ABHD12: variants seen among roughly 807,000 people sequenced by gnomAD.
ABHD12 encodes the protein lysophosphatidylserine lipase ABHD12.
ABHD12 carries 43 observed loss-of-function variants against 58.3 expected under a neutral mutation model. The ratio of observed to expected loss-of-function variants is 0.74; its 90% CI spans 0.58 to 0.95. The LOEUF is 0.95. Among genes scored for constraint, ABHD12 ranks in the 40% least tolerant of loss-of-function variants. The probability of loss-of-function intolerance (pLI) is 0.00; values close to 1 mark genes in which losing one functional copy is unlikely to be tolerated. For synonymous variants in ABHD12, 219 were observed against 211.2 expected (o/e 1.04, Z -0.32); for missense variants, 539 against 537.2 (o/e 1.00, Z -0.03).
chr20:25,337,247 C>A (rs925797382), intron 2 of ABHD12, among the ~76,000 whole-genome samples: 1 of 152,214 alleles, frequency 6.6e-6, no homozygotes, highest in Non-Finnish European at 1.5e-5. Context: ...GCTGGGGCAA[C>A]AGAGCCACGC....
rs969020111 is a variant in ABHD12 at position 25,300,479 on chromosome 20, C to T, written c.*366G>A. ...GTTCTCTGTGGGTGGTGCCAAAAAGCTCAGCATGGTCCCGAGCCCCAAGAG... is the reference window on the plus strand; with the variant it reads ...GTTCTCTGTGGGTGGTGCCAAAAAGTTCAGCATGGTCCCGAGCCCCAAGAG... On this transcript the variant is annotated 3_prime_UTR_variant, in exon 13 of 13. Coordinates refer to ENST00000339157, the MANE Select transcript of ABHD12 (RefSeq NM_001042472.3). 2.4e-6 allele frequency: 3 copies of T among 1,245,562 alleles called. No homozygotes were observed. In the African/African-American group the frequency reaches 4.6e-5, roughly 19 times the overall value. The allele number at this position is 1,245,562 out of a possible 1,614,324, so 77.2% of individuals were successfully genotyped here.
At chr20:25,328,446 C>T (rs979776660) in intron 2 of ABHD12, among the ~76,000 whole-genome samples, 10 of 152,354 alleles carry the variant, frequency 6.6e-5, no homozygotes, top group East Asian at 3.9e-4. Context: ...CTGCCTCTGA[C>T]GCTGGAACCA....
At chr20:25,372,939 G>GT (rs1225423398) in intron 1 of ABHD12, among the ~76,000 whole-genome samples, 1 of 152,160 alleles carries the variant, frequency 6.6e-6, no homozygotes, top group Non-Finnish European at 1.5e-5. Context: ...ATACTGTACT[G>GT]TTTTTTATCT....
chr20:25,374,752 G>C (rs553921462), intron 1 of ABHD12, among the ~76,000 whole-genome samples: 1 of 152,092 alleles, frequency 6.6e-6, no homozygotes, highest in South Asian at 2.1e-4. Context: ...CTCCCGCCTC[G>C]GCCTCCCAAA....
At chr20:25,308,353 A>T in intron 8 of ABHD12, 104 bp downstream of exon 8, 1 of 1,432,984 alleles carries the variant, frequency 7.0e-7, no homozygotes, top group Middle Eastern at 2.4e-4. Flanking sequence ...CAGAATGTGC[A>T]GCTCATGCTG....
intron 1 of ABHD12, among the ~76,000 whole-genome samples, chr20:25,341,425 A>G (rs550013312): frequency 4.7e-4 from 71 of 152,354 alleles, no homozygotes; most frequent in African/African-American, 1.6e-3. Context: ...TAGCTTTTCA[A>G]TGAGGGTACA....
At chr20:25,314,215 C>T (rs558098593) in intron 6 of ABHD12, among the ~76,000 whole-genome samples, 19 of 152,220 alleles carry the variant, frequency 1.2e-4, no homozygotes, top group East Asian at 5.8e-4. Flanking sequence ...TCAAGTGATC[C>T]GCCTGCCTCA....
chr20:25,372,658 T>C (rs955060416), intron 1 of ABHD12, among the ~76,000 whole-genome samples: 3 of 152,208 alleles, frequency 2.0e-5, no homozygotes, highest in Non-Finnish European at 4.4e-5. Flanking sequence ...AACTGCATAA[T>C]AGCATTTCAG....
chr20:25,338,855 A>T, intron 2 of ABHD12: 1 of 1,055,688 alleles, frequency 9.5e-7, no homozygotes, highest in Non-Finnish European at 1.1e-6. Context: ...GCTTCAGCTG[A>T]CTTCTCATGT....
chr20:25,326,853 C>G (rs542075998), intron 2 of ABHD12, among the ~76,000 whole-genome samples: 1 of 152,334 alleles, frequency 6.6e-6, no homozygotes, highest in South Asian at 2.1e-4. Context: ...AGTCACCAAA[C>G]TAATGCATTC....
chr20:25,382,455 T>C (rs975274495), intron 1 of ABHD12, among the ~76,000 whole-genome samples: 13 of 152,220 alleles, frequency 8.5e-5, no homozygotes, highest in South Asian at 2.1e-4. Flanking sequence ...ACTTCATCTG[T>C]CAGCTTTTGA....
intron 7 of ABHD12, 52 bp from the exon 8 acceptor site, chr20:25,308,546 T>C (rs2088790741): frequency 6.4e-7 from 1 of 1,570,320 alleles, no homozygotes; most frequent in Non-Finnish European, 8.7e-7. Context: ...TTGTTTGAGA[T>C]GATATGGGCC....
chr20:25,343,750 G>A lies in ABHD12; in HGVS notation c.192-4399C>T, dbSNP rs570793626. ...GCGGAGGTTGCAGTGAGCTGAGATC[G>A]CACCACTGCACTCCAGCCTGAGCAA... On this transcript the variant is annotated intron_variant, in intron 1 of 12. Transcript: ENST00000339157. 6.6e-5 allele frequency among the ~76,000 whole-genome samples: 10 copies of A among 152,202 alleles called. No individual in the cohort carries two copies. The South Asian group carries it at 1.7e-3, about 25-fold the overall frequency.
chr20:25,390,624 G>A lies in ABHD12; in HGVS notation c.80C>T (p.Ala27Val), dbSNP rs1207767268. 2 of 1,460,342 alleles carry A rather than the reference G, an allele frequency of 1.4e-6. No individual in the cohort carries two copies. The highest frequency in any genetic ancestry group is 1.3e-5 in the South Asian group (1 of 77,366). 90.5% of individuals were successfully genotyped at this position (1,460,342 alleles called of 1,614,324 possible). A position where few individuals can be genotyped will look rare whatever the true frequency, so the allele number is the denominator to read the frequency against. The stretch of plus-strand genomic sequence containing the variant: ...GCGGCAGTCGGCGTCCAGCGCCGCG[G>A]CGGCCGAGCCGGAGGAGGACGAGCC... ...AAGSSSSGSA[A>V]AALDADCRLK... Residue 27 changes from alanine to valine, a missense_variant, in exon 1 of 13, where the codon GCC becomes GTC. Physicochemically the swap from Ala to Val is moderately conservative, Grantham distance 64 (BLOSUM62 0). Transcript: ENST00000339157.
intron 1 of ABHD12, among the ~76,000 whole-genome samples, chr20:25,361,565 T>C (rs189954313): frequency 2.4e-4 from 37 of 152,360 alleles, no homozygotes; most frequent in South Asian, 1.2e-3. Flanking sequence ...CTATTGCTAC[T>C]GTGAAATAAA....
intron 1 of ABHD12, among the ~76,000 whole-genome samples, chr20:25,363,191 C>T (rs962940453): frequency 6.6e-6 from 1 of 151,594 alleles, no homozygotes; most frequent in Non-Finnish European, 1.5e-5. Flanking sequence ...TCACCAGGTG[C>T]CAGCAGTAAA....
intron 1 of ABHD12, among the ~76,000 whole-genome samples, chr20:25,374,692 G>A (rs2089940830): frequency 6.6e-6 from 1 of 152,042 alleles, no homozygotes; most frequent in African/African-American, 2.4e-5. Flanking sequence ...AGGACACAGG[G>A]TTTCTCCATG....
chr20:25,390,374 GCGCGGACGGGGGCGGC>G lies in ABHD12; in HGVS notation c.191+123_191+138del, dbSNP rs1480437629. ...GCCGCGGGCCAAATGCGGGACACAGGCGCGGACGGGGGCGGCCGCGGATCGGGCGGACGGCCACTCT... is the reference window on the plus strand; with the variant it reads ...GCCGCGGGCCAAATGCGGGACACAGGCGCGGATCGGGCGGACGGCCACTCT... On this transcript the variant is annotated intron_variant, in intron 1 of 12. Transcript: ENST00000339157. 5.8e-6 allele frequency: 5 copies of G among 866,232 alleles called. No homozygotes were observed. The African/African-American group carries it at 9.0e-5, about 16-fold the overall frequency. The allele number at this position is 866,232 out of a possible 1,614,324, so 53.7% of individuals were successfully genotyped here.
At chr20:25,296,256 T>C, downstream of ABHD12, 2 of 1,310,142 alleles carry the variant, frequency 1.5e-6, no homozygotes, top group East Asian at 2.4e-5. Context: ...TTCCAGCGGA[T>C]GGCCCCAAGG....
Sources: gnomAD v4.1 joint callset for allele counts (sites outside exome capture counted in the v4.1 genomes callset) on GRCh38, gnomAD v4.1.1 for gene constraint, MANE v1.5 for transcripts, NCBI Gene and HGNC (gene_info 2026-07-23, HGNC 2026-07-21) for gene names.